GUCY2D: variants seen among roughly 807,000 people sequenced by gnomAD.
GUCY2D encodes the protein retinal guanylyl cyclase 1.
In GUCY2D, 70 loss-of-function variants were observed where a neutral mutation model predicts 101.3. The ratio of observed to expected loss-of-function variants is 0.69; its 90% CI spans 0.57 to 0.84. GUCY2D has a LOEUF of 0.84. Ranked by LOEUF, GUCY2D falls within the 40% of genes least tolerant of loss-of-function variation. GUCY2D has a pLI of 0.00. For synonymous variants in GUCY2D, 688 were observed against 670.7 expected (o/e 1.03, Z -0.40); for missense variants, 1,460 against 1,542.5 (o/e 0.95, Z 0.90).
rs774767443 is a variant in GUCY2D, at chr17:8,004,034, C to T, written c.904C>T (p.Arg302Cys). The change falls in exon 3 of 20, where the codon CGC becomes TGC. Residue 302 changes from arginine to cysteine, a missense_variant. By Grantham distance (180) the Arg-to-Cys change is radical (BLOSUM62 -3). Around this residue, in one of 3 missense-constraint regions of GUCY2D, gnomAD observed 1,196 missense variants for 1,229.6 expected, o/e 0.97. Transcript: ENST00000254854. The stretch of plus-strand genomic sequence containing the variant: ...CGCACTCGCCAACAGCTCCCAGCTT[C>T]GCAGGGCCCACGATGCCGTGCTCAC... ...LAALANSSQL[R>C]RAHDAVLTLT... 10 of 1,611,694 alleles carry T rather than the reference C, an allele frequency of 6.2e-6. No individual in the cohort carries two copies. The highest frequency in any genetic ancestry group is 7.6e-6 in the Non-Finnish European group (9 of 1,179,912).
At position 8,003,671 on chromosome 17, in the gene GUCY2D, G is replaced by A; in HGVS notation, c.624G>A (p.Arg208=). Reference sequence around the variant, plus strand: ...CACTGTCCACGGCACTCAGGGCCCGGGGCCTGCCTGTCGCCTCCGTGACTT... The same window carrying A: ...CACTGTCCACGGCACTCAGGGCCCGAGGCCTGCCTGTCGCCTCCGTGACTT... ...GRSLSTALRA[R]GLPVASVTSM... is the part of the protein sequence containing the mutation. The change falls in exon 2 of 20, where the codon CGG becomes CGA. Residue 208 remains arginine, a synonymous_variant. Coordinates refer to ENST00000254854, the MANE Select transcript of GUCY2D (RefSeq NM_000180.4). 6.9e-6 allele frequency: 11 copies of A among 1,596,290 alleles called. No individual in the cohort carries two copies. The highest frequency in any genetic ancestry group is 9.3e-6 in the Non-Finnish European group (11 of 1,178,690).
In GUCY2D at chr17:8,014,110, A is replaced by G; in HGVS notation, c.2412+82A>G. ...TCAGCAACCTGAGACAGCTGCAGAC[A>G]GGCAGGCTGGCAGGACCTCTGGCCT... is the stretch of plus-strand genomic sequence containing the variant. On this transcript the variant is annotated intron_variant, in intron 12 of 19. Transcript: ENST00000254854. The surrounding 1 kb of genome is among the most constrained non-coding windows in gnomAD (Gnocchi z 4.0). The G allele has an allele frequency of 7.5e-7, 1 of 1,334,392 alleles. No individual in the cohort carries two copies. The highest frequency in any genetic ancestry group is 1.1e-6 in the Non-Finnish European group (1 of 936,622). 82.7% of individuals were successfully genotyped at this position (1,334,392 alleles called of 1,614,324 possible). A position where few individuals can be genotyped will look rare whatever the true frequency, so the allele number is the denominator to read the frequency against.
Position 8,013,811 on chromosome 17 carries a change from C to T in GUCY2D, c.2264-69C>T. On this transcript the variant is annotated intron_variant, in intron 11 of 19. Coordinates refer to ENST00000254854, the MANE Select transcript of GUCY2D (RefSeq NM_000180.4). This position sits in a 1 kb window ranked among gnomAD's most constrained non-coding sequence, Gnocchi z 5.0. ...CTCCCACATCTTGGTCTTCAACAGTCAGGCCAGGGTCAGAGGCAGCCTTTG... is the reference window on the plus strand; with the variant it reads ...CTCCCACATCTTGGTCTTCAACAGTTAGGCCAGGGTCAGAGGCAGCCTTTG... 2 of 1,393,318 alleles carry T rather than the reference C, an allele frequency of 1.4e-6. No homozygotes were observed. Among genetic ancestry groups the T allele is most frequent in the Non-Finnish European group, 2.0e-6 (2 of 982,632 alleles). The allele number at this position is 1,393,318 out of a possible 1,614,324, so 86.3% of individuals were successfully genotyped here. A position where few individuals can be genotyped will look rare whatever the true frequency, so the allele number is the denominator to read the frequency against.
chr17:8,013,658 T>TC lies in GUCY2D; in HGVS notation c.2264-221dup, dbSNP rs1975901418. On this transcript the variant is annotated intron_variant, in intron 11 of 19. Transcript: ENST00000254854. The surrounding 1 kb of genome is among the most constrained non-coding windows in gnomAD (Gnocchi z 5.0). The stretch of plus-strand genomic sequence containing the variant: ...CAATATGTTAGTTTCTTTGCCTATG[T>TC]CACCTCTTACTGACCCCCAGAGTTC... The TC allele has an allele frequency of 3.3e-6, 2 of 599,852 alleles. No individual in the cohort carries two copies. The highest frequency in any genetic ancestry group is 5.9e-6 in the Non-Finnish European group (2 of 336,768). 37.2% of individuals were successfully genotyped at this position (599,852 alleles called of 1,614,324 possible). A position where few individuals can be genotyped will look rare whatever the true frequency, so the allele number is the denominator to read the frequency against.
intron 14 of GUCY2D, 42 bp from the exon 15 acceptor site, chr17:8,015,286 G>T (rs570648500): frequency 6.4e-7 from 1 of 1,569,280 alleles, no homozygotes; most frequent in South Asian, 1.1e-5. Context: ...TACTCGGGGG[G>T]AATGCTCAAA....
At position 8,013,512 on chromosome 17, in the gene GUCY2D, C is replaced by G. The variant is rs919207268; in HGVS notation, c.2263+260C>G. Reference sequence around the variant, plus strand: ...CAAACTGTTTCCACAACTGACAGAACAGACTCCTCTCTGTTCTCAGGGGTC... The same window carrying G: ...CAAACTGTTTCCACAACTGACAGAAGAGACTCCTCTCTGTTCTCAGGGGTC... On this transcript the variant is annotated intron_variant, in intron 11 of 19. Coordinates refer to ENST00000254854, the MANE Select transcript of GUCY2D (RefSeq NM_000180.4). This position sits in a 1 kb window ranked among gnomAD's most constrained non-coding sequence, Gnocchi z 5.0. 22 of 585,960 alleles carry G rather than the reference C, an allele frequency of 3.8e-5. No individual in the cohort carries two copies. Among genetic ancestry groups the G allele is most frequent in the South Asian group, 2.0e-4 (10 of 50,564 alleles). 36.3% of individuals were successfully genotyped at this position (585,960 alleles called of 1,614,324 possible).
intron 5 of GUCY2D, 66 bp downstream of exon 5, chr17:8,007,210 C>A: frequency 7.9e-7 from 1 of 1,272,816 alleles, no homozygotes; most frequent in Non-Finnish European, 1.2e-6. Flanking sequence ...GCAGCAAAAA[C>A]AGCAGGCTGG....
At chr17:8,015,083 C>A in intron 14 of GUCY2D, 32 bp downstream of exon 14, 1 of 1,580,300 alleles carries the variant, frequency 6.3e-7, no homozygotes, top group South Asian at 1.1e-5. Flanking sequence ...CCCTCCTGAC[C>A]TTCAATTCAG....
At chr17:8,008,661 T>C (rs1468803485) in intron 7 of GUCY2D, among the ~76,000 whole-genome samples, 1 of 152,172 alleles carries the variant, frequency 6.6e-6, no homozygotes, top group Non-Finnish European at 1.5e-5. Context: ...GAGATCATCA[T>C]GGCCAATTCT....
At chr17:8,008,062 C>T (rs1231949986) in intron 7 of GUCY2D, 30 bp downstream of exon 7, 2 of 1,373,908 alleles carry the variant, frequency 1.5e-6, no homozygotes, top group South Asian at 2.3e-5. Flanking sequence ...GACAGAGAGA[C>T]AGTGGGGGAA....
chr17:8,003,668 C>T lies in GUCY2D; in HGVS notation c.621C>T (p.Ala207=), dbSNP rs757257247. 3.5e-5 allele frequency: 56 copies of T among 1,595,680 alleles called. No homozygotes were observed. Among genetic ancestry groups the T allele is most frequent in the Non-Finnish European group, 4.6e-5 (54 of 1,178,502 alleles). The change falls in exon 2 of 20, where the codon GCC becomes GCT. Residue 207 remains alanine (A), a synonymous_variant. Coordinates refer to ENST00000254854, the MANE Select transcript of GUCY2D (RefSeq NM_000180.4). ...AGRSLSTALR[A]RGLPVASVTS... ...GCTCACTGTCCACGGCACTCAGGGC[C>T]CGGGGCCTGCCTGTCGCCTCCGTGA...
At position 8,012,321 on chromosome 17, in the gene GUCY2D, A is replaced by C; in HGVS notation, c.1927A>C (p.Lys643Gln). The C allele has an allele frequency of 6.2e-7, 1 of 1,613,706 alleles. No individual in the cohort carries two copies. The highest frequency in any genetic ancestry group is 8.5e-7 in the Non-Finnish European group (1 of 1,179,752). Residue 643 changes from lysine (K) to glutamine (Q), a missense_variant, in exon 9 of 20, where the codon AAG becomes CAG. Physicochemically the swap from Lys to Gln is moderately conservative, Grantham distance 53 (BLOSUM62 1). Transcript: ENST00000254854. ...AGAAATAAAGCTGGACTGGATGTTCAAGTCCTCCCTCCTGCTGGACCTTAT... is the reference window on the plus strand; with the variant it reads ...AGAAATAAAGCTGGACTGGATGTTCCAGTCCTCCCTCCTGCTGGACCTTAT... ...QREIKLDWMF[K>Q]SSLLLDLIKG...
chr17:8,017,683 T>C (rs931178811), intron 19 of GUCY2D, among the ~76,000 whole-genome samples: 2 of 152,188 alleles, frequency 1.3e-5, no homozygotes, highest in African/African-American at 4.8e-5. Flanking sequence ...CAGAAAATCC[T>C]CTCTGCTTAG....
chr17:8,013,411 C>G lies in GUCY2D; in HGVS notation c.2263+159C>G, dbSNP rs537797103. On this transcript the variant is annotated intron_variant, in intron 11 of 19. Transcript: ENST00000254854. This position sits in a 1 kb window ranked among gnomAD's most constrained non-coding sequence, Gnocchi z 5.0. The stretch of plus-strand genomic sequence containing the variant: ...ATCTGCAGGTCTGGGTGCAGAAAGC[C>G]GTGCATGGCCAGGGTGGGGAGCGTG... The G allele has an allele frequency of 1.3e-6, 1 of 751,322 alleles. No homozygotes were observed. The highest frequency in any genetic ancestry group is 1.7e-5 in the African/African-American group (1 of 57,912). The allele number at this position is 751,322 out of a possible 1,614,324, so 46.5% of individuals were successfully genotyped here. A position where few individuals can be genotyped will look rare whatever the true frequency, so the allele number is the denominator to read the frequency against.
At chr17:8,007,275 G>A (rs1234570562) in intron 5 of GUCY2D, 131 bp downstream of exon 5, 4 of 910,566 alleles carry the variant, frequency 4.4e-6, no homozygotes, top group African/African-American at 3.2e-5. Context: ...GTTCTGGTGG[G>A]CTGGTAGAGT....
chr17:8,013,368 G>C lies in GUCY2D; in HGVS notation c.2263+116G>C, dbSNP rs543802677. The C allele has an allele frequency of 1.1e-4, 114 of 1,058,112 alleles. No homozygotes were observed. In the African/African-American group the frequency reaches 1.6e-3, roughly 15 times the overall value. 65.5% of individuals were successfully genotyped at this position (1,058,112 alleles called of 1,614,324 possible). On this transcript the variant is annotated intron_variant, in intron 11 of 19. Transcript: ENST00000254854. This position sits in a 1 kb window ranked among gnomAD's most constrained non-coding sequence, Gnocchi z 5.0. ...CAGTGATGAAACTCAATTATACGGA[G>C]GCCCCCTTAAAGCTGGCATCTGCAG... is the stretch of plus-strand genomic sequence containing the variant.
chr17:8,014,091 AC>A lies in GUCY2D; in HGVS notation c.2412+65del. ...CTGGGATCCCAGATGCTTGTCAGCA[AC>A]CTGAGACAGCTGCAGACAGGCAGGC... is the stretch of plus-strand genomic sequence containing the variant. On this transcript the variant is annotated intron_variant, in intron 12 of 19. Coordinates refer to ENST00000254854, the MANE Select transcript of GUCY2D (RefSeq NM_000180.4). The surrounding 1 kb of genome is among the most constrained non-coding windows in gnomAD (Gnocchi z 4.0). The A allele has an allele frequency of 6.9e-7, 1 of 1,454,314 alleles. No homozygotes were observed. The highest frequency in any genetic ancestry group is 9.6e-7 in the Non-Finnish European group (1 of 1,043,726). 90.1% of individuals were successfully genotyped at this position (1,454,314 alleles called of 1,614,324 possible). A position where few individuals can be genotyped will look rare whatever the true frequency, so the allele number is the denominator to read the frequency against.
chr17:8,009,020 C>T (rs185513239), intron 7 of GUCY2D, among the ~76,000 whole-genome samples: 25 of 152,312 alleles, frequency 1.6e-4, no homozygotes, highest in Non-Finnish European at 3.4e-4. Context: ...CTTCGGAGCA[C>T]GAGGCCCTGT....
In GUCY2D at chr17:8,014,734, C is replaced by T. The variant is rs1298746417; in HGVS notation, c.2546C>T (p.Thr849Ile). ...TEELELEKQK[T>I]DRLLTQMLPP... is the part of the protein sequence containing the mutation. ...GAGCTGGAGCTGGAAAAGCAGAAGA[C>T]AGACCGGCTGCTTACACAGATGCTG... Residue 849 changes from threonine (T) to isoleucine (I), a missense_variant, in exon 13 of 20, where the codon ACA becomes ATA. This residue lies in a region of GUCY2D where 1,196 missense variants were observed against 1,229.6 expected (regional missense o/e 0.97). Transcript: ENST00000254854. This position sits in a 1 kb window ranked among gnomAD's most constrained non-coding sequence, Gnocchi z 4.0. 1.2e-6 allele frequency: 2 copies of T among 1,612,610 alleles called. No individual in the cohort carries two copies. The highest frequency in any genetic ancestry group is 1.3e-5 in the African/African-American group (1 of 74,566).
Sources: allele counts gnomAD v4.1 joint callset (sites outside exome capture counted in the v4.1 genomes callset), GRCh38; gene constraint gnomAD v4.1.1; regional missense constraint gnomAD v4.1.1; non-coding constraint Gnocchi (gnomAD v3.1); transcripts MANE v1.5; gene names NCBI Gene and HGNC (gene_info 2026-07-23, HGNC 2026-07-21).